PCDHA7: variants seen among roughly 807,000 people sequenced by gnomAD.
PCDHA7 encodes the protein protocadherin alpha 7.
PCDHA7 carries 37 observed loss-of-function variants against 57.2 expected under a neutral mutation model. That is an observed-to-expected ratio of 0.65 (90% CI 0.50 to 0.85). PCDHA7 has a LOEUF of 0.85. PCDHA7 is among the 40% of genes least tolerant of loss of function. The pLI is 0.00. For missense variants in PCDHA7, 1,188 were observed against 1,241.8 expected, an observed-to-expected ratio of 0.96 and a Z score of 0.65; for synonymous variants, 553 against 558.8, an observed-to-expected ratio of 0.99 and a Z score of 0.15.
chr5:140,978,974 G>T lies in PCDHA7; in HGVS notation c.2381G>T (p.Arg794Leu). ...DNPRQPNPDW[R>L]YSASLRAGMH... is the part of the protein sequence containing the mutation. ...CCACGACAGCCCAACCCTGACTGGC[G>T]TTACTCTGCCTCCCTGAGAGCAGGC... Residue 794 changes from arginine to leucine, a missense_variant, in exon 2 of 4, where the codon CGT becomes CTT. Arg to Leu is a moderately radical substitution (Grantham distance 102, BLOSUM62 -2). Coordinates refer to ENST00000525929, the MANE Select transcript of PCDHA7 (RefSeq NM_018910.3). 6.2e-7 allele frequency: 1 copy of T among 1,614,130 alleles called. No individual in the cohort carries two copies. Among genetic ancestry groups the T allele is most frequent in the East Asian group, 2.2e-5 (1 of 44,882 alleles).
At chr5:140,947,998 T>C (rs2094201986) in intron 1 of PCDHA7, among the ~76,000 whole-genome samples, 1 of 122,112 alleles carries the variant, frequency 8.2e-6, no homozygotes, top group Admixed American at 8.2e-5. Flanking sequence ...AAATACTTTA[T>C]TAAATTTAGG....
chr5:140,886,122 C>T (rs1394228638), intron 1 of PCDHA7, among the ~76,000 whole-genome samples: 1 of 152,116 alleles, frequency 6.6e-6, no homozygotes, highest in Non-Finnish European at 1.5e-5. Context: ...AACATAGTTC[C>T]GTAACAACCA....
chr5:140,869,178 G>T (rs200717410), intron 1 of PCDHA7: 1 of 1,613,988 alleles, frequency 6.2e-7, no homozygotes, highest in East Asian at 2.2e-5. Flanking sequence ...AATTCTGGGA[G>T]GTGGGGAGCG....
chr5:140,876,815 T>G (rs782365798), intron 1 of PCDHA7: 1 of 1,614,148 alleles, frequency 6.2e-7, no homozygotes, highest in South Asian at 1.1e-5. Flanking sequence ...GTGGCCGACG[T>G]GAACGACAAT....
intron 3 of PCDHA7, among the ~76,000 whole-genome samples, chr5:140,992,100 A>G (rs1285742519): frequency 6.6e-6 from 1 of 151,526 alleles, no homozygotes; most frequent in African/African-American, 2.4e-5. Context: ...AAAGAGAATT[A>G]AGGTGAGATG....
chr5:140,868,899 C>T (rs2050726190), intron 1 of PCDHA7: 5 of 804,894 alleles, frequency 6.2e-6, no homozygotes, highest in Admixed American at 3.0e-5. Flanking sequence ...CGCAAGGTGT[C>T]GCTCTTTACT....
intron 1 of PCDHA7, chr5:140,876,798 C>T: frequency 6.2e-7 from 1 of 1,614,180 alleles, no homozygotes; most frequent in Non-Finnish European, 8.5e-7. Context: ...CTAGAGTGTC[C>T]GTGGAGGTGG....
intron 1 of PCDHA7, chr5:140,882,584 C>T (rs1554174685): frequency 1.9e-6 from 3 of 1,614,120 alleles, no homozygotes; most frequent in Admixed American, 1.7e-5. Flanking sequence ...CAGCATCCAC[C>T]TGGAGGTGAT....
chr5:140,883,905 G>C (rs781818160), intron 1 of PCDHA7: 1 of 1,613,458 alleles, frequency 6.2e-7, no homozygotes, highest in South Asian at 1.1e-5. Flanking sequence ...CCGCCTCTGG[G>C]CAGCAACGTG....
Position 141,011,530 on chromosome 5 carries a change from T to A in PCDHA7, c.*1593T>A, listed in dbSNP as rs1427621980. 1 of 153,810 alleles carries A rather than the reference T, an allele frequency of 6.5e-6. No individual in the cohort carries two copies. The highest frequency in any genetic ancestry group is 1.5e-5 in the Non-Finnish European group (1 of 68,042). The allele number at this position is 153,810 out of a possible 1,614,324, so 9.5% of individuals were successfully genotyped here. A position where few individuals can be genotyped will look rare whatever the true frequency, so the allele number is the denominator to read the frequency against. On this transcript the variant is annotated 3_prime_UTR_variant, in exon 4 of 4. Coordinates refer to ENST00000525929, the MANE Select transcript of PCDHA7 (RefSeq NM_018910.3). ...TGGAGTAGTGTTTTTTTAACCATTG[T>A]TAATCAGCTTTTGTGTATGAAAGAC...
At chr5:140,960,265 T>A (rs1380537220) in intron 1 of PCDHA7, among the ~76,000 whole-genome samples, 2 of 152,174 alleles carry the variant, frequency 1.3e-5, no homozygotes, top group African/African-American at 4.8e-5. Context: ...TTCTGATAAA[T>A]TCCGTCACCT....
chr5:140,835,322 T>C lies in PCDHA7; in HGVS notation c.939T>C (p.Ser313=). 6.2e-7 allele frequency: 1 copy of C among 1,613,282 alleles called. No homozygotes were observed. Among genetic ancestry groups the C allele is most frequent in the Non-Finnish European group, 8.5e-7 (1 of 1,179,724 alleles). The change falls in exon 1 of 4, where the codon AGT becomes AGC. Residue 313 remains serine (S), a synonymous_variant. Coordinates refer to ENST00000525929, the MANE Select transcript of PCDHA7 (RefSeq NM_018910.3). ...TVIGHMDFEE[S]RAHKIPVEAV... Reference sequence around the variant, plus strand: ...TAGGACATATGGATTTTGAAGAAAGTAGAGCACACAAGATCCCAGTCGAGG... The same window carrying C: ...TAGGACATATGGATTTTGAAGAAAGCAGAGCACACAAGATCCCAGTCGAGG...
At chr5:140,871,074 G>A (rs1210767724) in intron 1 of PCDHA7, 1 of 1,613,096 alleles carries the variant, frequency 6.2e-7, no homozygotes, top group African/African-American at 1.3e-5. Context: ...GTGAGCCGGC[G>A]CTGACGGCCA....
At chr5:140,874,834 T>C (rs756394440) in intron 1 of PCDHA7, among the ~76,000 whole-genome samples, 17 of 152,260 alleles carry the variant, frequency 1.1e-4, no homozygotes, top group Non-Finnish European at 2.5e-4. Context: ...AAATATTGTT[T>C]GGTATTAGAC....
chr5:140,841,274 C>T (rs1554138057), intron 1 of PCDHA7: 4 of 1,518,268 alleles, frequency 2.6e-6, no homozygotes. Context: ...TACAGTCGTT[C>T]ATCTTTATAT....
intron 1 of PCDHA7, among the ~76,000 whole-genome samples, chr5:140,957,344 G>A (rs994510401): frequency 5.9e-5 from 9 of 152,114 alleles, no homozygotes; most frequent in Non-Finnish European, 1.2e-4. Context: ...TATTTTGAGA[G>A]AGAGACCACA....
At chr5:140,858,313 G>C (rs781800844) in intron 1 of PCDHA7, 2 of 1,597,108 alleles carry the variant, frequency 1.3e-6, no homozygotes, top group East Asian at 4.5e-5. Context: ...GGCGGCAGAG[G>C]GTGTGTTCTG....
At chr5:140,935,767 T>C (rs1373324342) in intron 1 of PCDHA7, among the ~76,000 whole-genome samples, 2 of 152,184 alleles carry the variant, frequency 1.3e-5, no homozygotes, top group Non-Finnish European at 2.9e-5. Flanking sequence ...TCTTCCCCAC[T>C]TTGAGTTTTT....
At chr5:140,862,290 A>G (rs1423685229) in intron 1 of PCDHA7, 3 of 265,086 alleles carry the variant, frequency 1.1e-5, no homozygotes, top group Admixed American at 4.8e-5. Flanking sequence ...GTACAGGAGG[A>G]CGCTCCACTG....
Sources: allele counts gnomAD v4.1 joint callset (sites outside exome capture counted in the v4.1 genomes callset), GRCh38; gene constraint gnomAD v4.1.1; transcripts MANE v1.5; gene names NCBI Gene and HGNC (gene_info 2026-07-23, HGNC 2026-07-21).